Variants in CCDC88C observed in about 807,000 individuals in gnomAD.
CCDC88C encodes the protein coiled-coil and HOOK domain protein 88C.
Under a neutral mutation model 198.8 loss-of-function variants are expected in CCDC88C, and 131 were observed. The observed-to-expected ratio is 0.66, with a 90% CI of 0.57 to 0.76. The LOEUF (loss-of-function observed/expected upper bound fraction) is 0.76, where lower values mean the gene tolerates loss of function less well. Ranked by LOEUF, CCDC88C falls within the 30% of genes least tolerant of loss-of-function variation. The pLI, the probability that CCDC88C is intolerant of heterozygous loss-of-function variation, is 0.00. For synonymous variants in CCDC88C, 1,166 were observed against 1,114.7 expected (o/e 1.05, Z -0.92); for missense variants, 2,553 against 2,631.6 (o/e 0.97, Z 0.65).
intron 3 of CCDC88C, among the ~76,000 whole-genome samples, chr14:91,384,010 C>T (rs777966164): frequency 6.6e-6 from 1 of 152,180 alleles, no homozygotes; most frequent in Admixed American, 6.5e-5. Flanking sequence ...CTGGGTACCA[C>T]GGCACACTGG....
intron 25 of CCDC88C, among the ~76,000 whole-genome samples, chr14:91,286,363 G>A (rs1431546935): frequency 6.6e-6 from 1 of 151,710 alleles, no homozygotes; most frequent in Admixed American, 6.6e-5. Flanking sequence ...ATAATCTTTC[G>A]GCAGGATGAG....
intron 3 of CCDC88C, 101 bp from the exon 4 acceptor site, chr14:91,359,812 A>G: frequency 9.6e-7 from 1 of 1,042,062 alleles, no homozygotes; most frequent in Non-Finnish European, 1.5e-6. Context: ...ACGGGTGCAC[A>G]GCCATCCCGT....
chr14:91,394,593 T>C (rs958569500), intron 3 of CCDC88C, among the ~76,000 whole-genome samples: 3 of 152,238 alleles, frequency 2.0e-5, no homozygotes, highest in African/African-American at 7.2e-5. Context: ...CGTTGTTATG[T>C]ATCTTGTCAT....
chr14:91,416,664 C>G, intron 2 of CCDC88C, 74 bp downstream of exon 2: 1 of 1,120,892 alleles, frequency 8.9e-7, no homozygotes, highest in Non-Finnish European at 1.3e-6. Flanking sequence ...CGCCATGCAA[C>G]CTTCCACTCC....
At chr14:91,315,889 G>T in intron 13 of CCDC88C, 102 bp from the exon 14 acceptor site, 1 of 1,270,028 alleles carries the variant, frequency 7.9e-7, no homozygotes, top group Non-Finnish European at 1.1e-6. Context: ...GCACTGATGG[G>T]TCTTTTCTCA....
chr14:91,337,909 C>T (rs188592490), intron 10 of CCDC88C, 96 bp downstream of exon 10: 46 of 1,467,234 alleles, frequency 3.1e-5, no homozygotes, highest in Middle Eastern at 2.3e-4. Flanking sequence ...AGCTGTGGCT[C>T]CGCTCCTCCA....
chr14:91,310,691 C>T lies in CCDC88C; in HGVS notation c.2737-705G>A, dbSNP rs969090242. Among the ~76,000 whole-genome samples, 11 of 152,158 alleles carry T rather than the reference C, an allele frequency of 7.2e-5. No homozygotes were observed. The East Asian group carries it at 7.7e-4, about 11-fold the overall frequency. Reference sequence around the variant, plus strand: ...TTCCAAAGTGCTGGGATTACAGGCGCGAGCCACTGCACCCGGCCTTGGTCT... The same window carrying T: ...TTCCAAAGTGCTGGGATTACAGGCGTGAGCCACTGCACCCGGCCTTGGTCT... On this transcript the variant is annotated intron_variant, in intron 15 of 29. Coordinates refer to ENST00000389857, the MANE Select transcript of CCDC88C (RefSeq NM_001080414.4).
intron 29 of CCDC88C, among the ~76,000 whole-genome samples, chr14:91,275,377 C>T (rs1889909973): frequency 6.6e-6 from 1 of 152,108 alleles, no homozygotes; most frequent in Non-Finnish European, 1.5e-5. Flanking sequence ...AGGAAAGCAT[C>T]ATAAGGGGCA....
At chr14:91,350,366 T>G (rs1786204121) in intron 4 of CCDC88C, among the ~76,000 whole-genome samples, 1 of 152,186 alleles carries the variant, frequency 6.6e-6, no homozygotes, top group African/African-American at 2.4e-5. Flanking sequence ...TTCACCATGT[T>G]GGCCAGGCTG....
In CCDC88C at chr14:91,273,639, G is replaced by A; in HGVS notation, c.5073C>T (p.Cys1691=). The A allele has an allele frequency of 6.8e-7, 1 of 1,480,638 alleles. No homozygotes were observed. Among genetic ancestry groups the A allele is most frequent in the Middle Eastern group, 1.8e-4 (1 of 5,492 alleles). The allele number at this position is 1,480,638 out of a possible 1,614,324, so 91.7% of individuals were successfully genotyped here. ...RSSPTHDTPS[C]RDDLLSDYFR... is the part of the protein sequence containing the mutation. ...AGTAGTCACTCAGCAGGTCATCCCG[G>A]CAACTGGGAGTGTCCTACGGAGAAG... is the stretch of plus-strand genomic sequence containing the variant. The change falls in exon 30 of 30, where the codon TGC becomes TGT. Residue 1691 remains cysteine, a synonymous_variant. Coordinates refer to ENST00000389857, the MANE Select transcript of CCDC88C (RefSeq NM_001080414.4). This position sits in a 1 kb window ranked among gnomAD's most constrained non-coding sequence, Gnocchi z 5.6.
At chr14:91,405,321 C>A (rs751417480) in intron 3 of CCDC88C, among the ~76,000 whole-genome samples, 2 of 152,130 alleles carry the variant, frequency 1.3e-5, no homozygotes, top group African/African-American at 2.4e-5. Context: ...AGCCAGAATG[C>A]GCGACCTTGA....
Position 91,273,387 on chromosome 14 carries a change from C to A in CCDC88C, c.5325G>T (p.Gln1775His). 2 of 1,532,872 alleles carry A rather than the reference C, an allele frequency of 1.3e-6. No individual in the cohort carries two copies. Among genetic ancestry groups the A allele is most frequent in the East Asian group, 2.3e-5 (1 of 43,344 alleles). 95.0% of individuals were successfully genotyped at this position (1,532,872 alleles called of 1,614,324 possible). ...GCCGGGGTCTGCCCAGAGACAGGCT[C>A]TGGGGAGGCTGGGCCTGTCTCGGGG... ...SVAPRQAQPP[Q>H]SLSLGRPRQA... Residue 1775 changes from glutamine to histidine, a missense_variant, in exon 30 of 30, where the codon CAG becomes CAT. Gln to His is a conservative substitution (Grantham distance 24, BLOSUM62 0). This residue lies in a region of CCDC88C where 1,293 missense variants were observed against 1,219.6 expected (regional missense o/e 1.06). Coordinates refer to ENST00000389857, the MANE Select transcript of CCDC88C (RefSeq NM_001080414.4). This position sits in a 1 kb window ranked among gnomAD's most constrained non-coding sequence, Gnocchi z 5.6.
rs146951099 is a variant in CCDC88C at position 91,406,405 on chromosome 14, G to A, written c.270+2254C>T. On this transcript the variant is annotated intron_variant, in intron 3 of 29. Coordinates refer to ENST00000389857, the MANE Select transcript of CCDC88C (RefSeq NM_001080414.4). ...CACCCAAGAGCTCACAGTGCAGGAG[G>A]AGGGAGGACAGGGATGCAGACACCT... is the stretch of plus-strand genomic sequence containing the variant. Among the ~76,000 whole-genome samples, 176 of 152,306 alleles carry A rather than the reference G, an allele frequency of 1.2e-3. 3 individuals are homozygous for A. The highest frequency in any genetic ancestry group is 5.9e-4 in the Non-Finnish European group (40 of 68,020).
Position 91,371,716 on chromosome 14 carries a change from C to T in CCDC88C, c.271-12005G>A, listed in dbSNP as rs529703636. ...AAGTAGCTGGGCTGGGGGAACGTGG[C>T]GCCTGCCCACACAGTGTCCCATGTC... On this transcript the variant is annotated intron_variant, in intron 3 of 29. Coordinates refer to ENST00000389857, the MANE Select transcript of CCDC88C (RefSeq NM_001080414.4). This position sits in a 1 kb window ranked among gnomAD's most constrained non-coding sequence, Gnocchi z 4.2. Among the ~76,000 whole-genome samples the T allele has an allele frequency of 4.1e-4, 62 of 152,306 alleles. No individual in the cohort carries two copies. The highest frequency in any genetic ancestry group is 1.4e-3 in the African/African-American group (59 of 41,562).
chr14:91,345,296 G>C (rs1482085683), intron 4 of CCDC88C, among the ~76,000 whole-genome samples: 1 of 146,888 alleles, frequency 6.8e-6, no homozygotes, highest in Non-Finnish European at 1.5e-5. Flanking sequence ...GGGTTCAAGC[G>C]ATTCTCCTGC....
chr14:91,411,887 T>C (rs1403398475), intron 2 of CCDC88C, among the ~76,000 whole-genome samples: 1 of 148,526 alleles, frequency 6.7e-6, no homozygotes, highest in African/African-American at 2.5e-5. Context: ...CACCTGAACC[T>C]GGGAGGCAGA....
rs979905551 is a variant in CCDC88C, at chr14:91,339,682, G to A, written c.624+202C>T. 1.3e-5 allele frequency among the ~76,000 whole-genome samples: 2 copies of A among 152,178 alleles called. No individual in the cohort carries two copies. Among genetic ancestry groups the A allele is most frequent in the African/African-American group, 2.4e-5 (1 of 41,450 alleles). On this transcript the variant is annotated intron_variant, in intron 7 of 29. Coordinates refer to ENST00000389857, the MANE Select transcript of CCDC88C (RefSeq NM_001080414.4). The surrounding 1 kb of genome is among the most constrained non-coding windows in gnomAD (Gnocchi z 5.8). ...ACGAAGGAGGAGGGCCCCAAGCTCC[G>A]CGTCCTGATTCCCTGTATCCTCCCA...
intron 4 of CCDC88C, among the ~76,000 whole-genome samples, chr14:91,355,270 G>A (rs569755849): frequency 2.0e-4 from 30 of 152,280 alleles, no homozygotes; most frequent in African/African-American, 4.6e-4. Flanking sequence ...GCGCAGACAC[G>A]GGTAAGAGGG....
chr14:91,340,305 G>A (rs1345544411), intron 6 of CCDC88C, among the ~76,000 whole-genome samples: 1 of 151,916 alleles, frequency 6.6e-6, no homozygotes, highest in African/African-American at 2.4e-5. Flanking sequence ...AGGGTCCTGG[G>A]ATAAGATATC....
Sources: gnomAD v4.1 joint callset for allele counts (sites outside exome capture counted in the v4.1 genomes callset) on GRCh38, gnomAD v4.1.1 for gene constraint, gnomAD v4.1.1 regional missense constraint, Gnocchi (gnomAD v3.1) non-coding constraint, MANE v1.5 for transcripts, NCBI Gene and HGNC (gene_info 2026-07-23, HGNC 2026-07-21) for gene names.